The following SNX30 variants were observed in gnomAD, a reference collection of about 807,000 sequenced individuals.
SNX30 encodes sorting nexin family member 30.
SNX30 carries 24 observed loss-of-function variants against 46.4 expected under a neutral mutation model. The ratio of observed to expected loss-of-function variants is 0.52; its 90% CI spans 0.37 to 0.73. The LOEUF (loss-of-function observed/expected upper bound fraction) is 0.73, where lower values mean the gene tolerates loss of function less well. Among genes scored for constraint, SNX30 ranks in the 30% least tolerant of loss-of-function variants. The probability of loss-of-function intolerance (pLI) is 0.00; values close to 1 mark genes in which losing one functional copy is unlikely to be tolerated. For synonymous variants in SNX30, 189 were observed against 211.5 expected (o/e 0.89, Z 0.92); for missense variants, 533 against 555.7 (o/e 0.96, Z 0.41).
chr9:112,838,082 G>A (rs775924883), intron 5 of SNX30, among the ~76,000 whole-genome samples: 3 of 150,356 alleles, frequency 2.0e-5, no homozygotes, highest in African/African-American at 4.9e-5. Context: ...TAGTAGAAAC[G>A]GGGTTTCACT....
At position 112,781,595 on chromosome 9, in the gene SNX30, G is replaced by T. The variant is rs991912786; in HGVS notation, c.157-23181G>T. On this transcript the variant is annotated intron_variant, in intron 1 of 8. Transcript: ENST00000374232. ...GCTGCCTGTTTTAGTATAACCCATG[G>T]GTTAAGAATGCTTTTTTATTGTCTT... Among the ~76,000 whole-genome samples the T allele has an allele frequency of 2.0e-5, 3 of 152,002 alleles. No individual in the cohort carries two copies. In the East Asian group the frequency reaches 5.8e-4, roughly 29 times the overall value.
At chr9:112,768,284 C>T (rs715667) in intron 1 of SNX30, among the ~76,000 whole-genome samples, 45,152 of 152,056 alleles carry the variant, frequency 0.3, 6,903 homozygotes, top group Admixed American at 0.35. Flanking sequence ...ATCCTCCTCT[C>T]GATGTTTCCA....
chr9:112,766,138 A>G lies in SNX30; in HGVS notation c.156+14981A>G, dbSNP rs187944605. 1.4e-4 allele frequency among the ~76,000 whole-genome samples: 21 copies of G among 152,314 alleles called. No individual in the cohort carries two copies. In the East Asian group the frequency reaches 3.1e-3, roughly 22 times the overall value. On this transcript the variant is annotated intron_variant, in intron 1 of 8. Transcript: ENST00000374232. ...TCTTAGCAGATTTTAAGTATAAAAT[A>G]CATTATAGTCACCATGCCGTATATT... is the stretch of plus-strand genomic sequence containing the variant.
chr9:112,828,316 A>G (rs970473284), intron 3 of SNX30, among the ~76,000 whole-genome samples: 18 of 152,012 alleles, frequency 1.2e-4, no homozygotes, highest in African/African-American at 3.9e-4. Flanking sequence ...TTGTGTTACA[A>G]TTGTCTACAG....
chr9:112,817,646 C>A, intron 2 of SNX30, 59 bp from the exon 3 acceptor site: 2 of 1,013,038 alleles, frequency 2.0e-6, no homozygotes, highest in Non-Finnish European at 3.1e-6. Flanking sequence ...TTTTTCCTTC[C>A]CTTCAGCCAA....
chr9:112,879,645 T>A (rs939455904), downstream of SNX30: 96 of 918,498 alleles, frequency 1.0e-4, no homozygotes, highest in African/African-American at 1.3e-3. Context: ...CAACTCTGGC[T>A]GGAACGCAGG....
chr9:112,884,447 C>T (rs1048746556), downstream of SNX30, among the ~76,000 whole-genome samples: 1 of 152,200 alleles, frequency 6.6e-6, no homozygotes, highest in Non-Finnish European at 1.5e-5. Context: ...TTCAGGATCT[C>T]GTTTCTTTAG....
At chr9:112,779,223 G>C (rs116527166) in intron 1 of SNX30, among the ~76,000 whole-genome samples, 11 of 152,348 alleles carry the variant, frequency 7.2e-5, no homozygotes, top group African/African-American at 2.4e-4. Flanking sequence ...GGGACATTTA[G>C]GTGTCTCCTT....
At chr9:112,852,959 T>C (rs1246340671) in intron 7 of SNX30, among the ~76,000 whole-genome samples, 1 of 152,074 alleles carries the variant, frequency 6.6e-6, no homozygotes, top group African/African-American at 2.4e-5. Context: ...CACCTTGGCT[T>C]TTTGTAGTGT....
downstream of SNX30, among the ~76,000 whole-genome samples, chr9:112,883,012 G>C (rs150910646): frequency 2.6e-5 from 4 of 152,350 alleles, no homozygotes; most frequent in East Asian, 7.7e-4. Flanking sequence ...AGGAAAGAGT[G>C]ATCAACAGCA....
intron 1 of SNX30, among the ~76,000 whole-genome samples, chr9:112,790,795 A>G (rs1408126104): frequency 6.6e-6 from 1 of 152,236 alleles, no homozygotes; most frequent in African/African-American, 2.4e-5. Flanking sequence ...AAAATGCTTT[A>G]AACACATTTG....
At chr9:112,778,270 C>T (rs1224142949) in intron 1 of SNX30, among the ~76,000 whole-genome samples, 39 of 123,348 alleles carry the variant, frequency 3.2e-4, no homozygotes, top group African/African-American at 8.7e-4. Flanking sequence ...GGCCATATTC[C>T]TTTTTTTTTT....
In SNX30 at chr9:112,850,913, G is replaced by C. The variant is rs781415637; in HGVS notation, c.1069G>C (p.Ala357Pro). ...VQAEYEAKLE[A>P]VALRKEDRPK... is the part of the protein sequence containing the mutation. ...AGCAGAGTATGAAGCCAAACTGGAA[G>C]CTGTGGCTCTGCGGAAGGAAGACCG... Residue 357 changes from alanine (A) to proline (P), a missense_variant, in exon 7 of 9, where the codon GCT becomes CCT. Ala to Pro is a conservative substitution (Grantham distance 27). Coordinates refer to ENST00000374232, the MANE Select transcript of SNX30 (RefSeq NM_001012994.2). The C allele has an allele frequency of 3.1e-6, 5 of 1,613,964 alleles. No homozygotes were observed. The highest frequency in any genetic ancestry group is 4.2e-6 in the Non-Finnish European group (5 of 1,180,012).
chr9:112,822,536 G>GTTTTTTTTTTTTTTTTTTTTTTTT, intron 3 of SNX30, among the ~76,000 whole-genome samples: 1 of 123,724 alleles, frequency 8.1e-6, no homozygotes, highest in Non-Finnish European at 1.6e-5. Context: ...TTGCTGTTTT[G>GTTTTTTTTTTTTTTTTTTTTTTTT]TTTTGTTTTT....
chr9:112,769,868 C>G lies in SNX30; in HGVS notation c.156+18711C>G, dbSNP rs980064021. ...TGTCAAGCTAGTTATCTAGCTCACTCTTAATTCCAAGGATAAGCCTTGGAA... is the reference window on the plus strand; with the variant it reads ...TGTCAAGCTAGTTATCTAGCTCACTGTTAATTCCAAGGATAAGCCTTGGAA... On this transcript the variant is annotated intron_variant, in intron 1 of 8. Coordinates refer to ENST00000374232, the MANE Select transcript of SNX30 (RefSeq NM_001012994.2). 2.6e-5 allele frequency among the ~76,000 whole-genome samples: 4 copies of G among 152,156 alleles called. No homozygotes were observed. The South Asian group carries it at 8.3e-4, about 32-fold the overall frequency.
intron 2 of SNX30, among the ~76,000 whole-genome samples, chr9:112,817,401 C>CTTTTTTTGTTTTT (rs1840414732): frequency 2.1e-5 from 1 of 46,832 alleles, no homozygotes; most frequent in Non-Finnish European, 3.4e-5. Context: ...AAAAAACTGG[C>CTTTTTTTGTTTTT]TTTTTTTTTT....
chr9:112,845,515 T>TG (rs939367090), intron 6 of SNX30, among the ~76,000 whole-genome samples: 1 of 152,168 alleles, frequency 6.6e-6, no homozygotes, highest in African/African-American at 2.4e-5. Context: ...TTGGCAGAAC[T>TG]GGGGGTCGAT....
At chr9:112,846,513 A>T (rs950966892) in intron 6 of SNX30, among the ~76,000 whole-genome samples, 1 of 152,200 alleles carries the variant, frequency 6.6e-6, no homozygotes, top group Non-Finnish European at 1.5e-5. Flanking sequence ...TATCACCAGT[A>T]CCAGATCAGA....
intron 5 of SNX30, among the ~76,000 whole-genome samples, chr9:112,836,760 A>C (rs1172605296): frequency 6.6e-6 from 1 of 152,246 alleles, no homozygotes; most frequent in African/African-American, 2.4e-5. Flanking sequence ...AAACAAACTT[A>C]GATACCTTTT....
Sources: allele counts gnomAD v4.1 joint callset (sites outside exome capture counted in the v4.1 genomes callset), GRCh38; gene constraint gnomAD v4.1.1; transcripts MANE v1.5; gene names NCBI Gene and HGNC (gene_info 2026-07-23, HGNC 2026-07-21).